Variants in CD8B2 observed in about 807,000 individuals in gnomAD.
The protein encoded by CD8B2 is CD8B family member 2, also known as T-cell surface glycoprotein CD8 beta-2 chain.
CD8B2 carries 11 observed loss-of-function variants against 23.7 expected under a neutral mutation model. The ratio of observed to expected loss-of-function variants is 0.46; its 90% confidence interval spans 0.29 to 0.77. The LOEUF (loss-of-function observed/expected upper bound fraction) is 0.77. Ranked by LOEUF, CD8B2 falls within the 30% of genes least tolerant of loss-of-function variation. CD8B2 has a pLI of 0.09. For missense variants in CD8B2, 197 were observed against 270.5 expected (o/e 0.73, Z 1.91); for synonymous variants, 90 against 109.3 (o/e 0.82, Z 1.10).
At chr2:106,489,081 C>T (rs1679139852) in intron 1 of CD8B2, among the ~76,000 whole-genome samples, 1 of 140,738 alleles carries the variant, frequency 7.1e-6, no homozygotes, top group South Asian at 2.6e-4. Flanking sequence ...TGGCTCACTG[C>T]AATCTCCGCC....
chr2:106,496,545 C>T (rs1361596201), intron 3 of CD8B2, among the ~76,000 whole-genome samples: 1 of 152,232 alleles, frequency 6.6e-6, no homozygotes, highest in Non-Finnish European at 1.5e-5. Context: ...TAGCCAAAAG[C>T]AGAAACTACC....
intron 1 of CD8B2, among the ~76,000 whole-genome samples, chr2:106,490,141 G>A (rs564577553): frequency 8.3e-4 from 126 of 152,108 alleles, no homozygotes; most frequent in African/African-American, 2.7e-3. Flanking sequence ...ATGCTCTGCT[G>A]TGATTCTGGG....
At chr2:106,539,084 A>T (rs1242342546) in intron 5 of CD8B2, among the ~76,000 whole-genome samples, 1 of 152,136 alleles carries the variant, frequency 6.6e-6, no homozygotes, top group Non-Finnish European at 1.5e-5. Flanking sequence ...TCACTTACAC[A>T]CCTTGGCCTC....
chr2:106,516,709 AT>A (rs1476988517), intron 5 of CD8B2, among the ~76,000 whole-genome samples: 1 of 151,964 alleles, frequency 6.6e-6, no homozygotes, highest in Non-Finnish European at 1.5e-5. Context: ...TGGGGCACTT[AT>A]TTTTTGGAGT....
rs1679185130 is a variant in CD8B2, at chr2:106,491,025, TC to T, written c.196del (p.His66ThrfsTer5). The T allele has an allele frequency of 1.2e-6, 2 of 1,613,844 alleles. No individual in the cohort carries two copies. The highest frequency in any genetic ancestry group is 1.7e-6 in the Non-Finnish European group (2 of 1,179,864). On this transcript the variant is annotated frameshift_variant, in exon 2 of 6. Coordinates refer to ENST00000643224, the MANE Select transcript of CD8B2 (RefSeq NM_001349727.2). LOFTEE classifies it high-confidence loss of function. The stretch of plus-strand genomic sequence containing the variant: ...AGCGCCAGGCCCCGAGCAGTGATAG[TC>T]ACCACGAGTTCCTGACCCTCTGGGA... ...RQRQAPSSDS[H>X]HEFLTLWDSA...
At chr2:106,498,934 A>G (rs2104554843) in intron 3 of CD8B2, among the ~76,000 whole-genome samples, 1 of 152,086 alleles carries the variant, frequency 6.6e-6, no homozygotes, top group South Asian at 2.1e-4. Flanking sequence ...TTTCTAAACC[A>G]TGGACTCAGG....
downstream of CD8B2, among the ~76,000 whole-genome samples, chr2:106,511,763 C>A (rs921845107): frequency 6.6e-6 from 1 of 152,196 alleles, no homozygotes; most frequent in African/African-American, 2.4e-5. Flanking sequence ...TCCTTCGATG[C>A]GTCACTGACA....
At chr2:106,542,333 G>A (rs1001196774) in intron 5 of CD8B2, among the ~76,000 whole-genome samples, 3 of 152,174 alleles carry the variant, frequency 2.0e-5, no homozygotes, top group African/African-American at 7.2e-5. Flanking sequence ...AACTAAAAGA[G>A]TGACTTATAC....
At chr2:106,529,187 C>G (rs1679959465) in intron 5 of CD8B2, among the ~76,000 whole-genome samples, 1 of 152,180 alleles carries the variant, frequency 6.6e-6, no homozygotes, top group Non-Finnish European at 1.5e-5. Context: ...CTAAAGAAGA[C>G]TCTGTTATCT....
At chr2:106,502,587 T>C in intron 4 of CD8B2, 24 bp downstream of exon 4, 1 of 1,322,422 alleles carries the variant, frequency 7.6e-7, no homozygotes, top group Non-Finnish European at 1.1e-6. Flanking sequence ...TCTTGGGTTG[T>C]TGGGTGTCCC....
chr2:106,504,373 C>T, intron 5 of CD8B2, 48 bp downstream of exon 5: 1 of 1,554,212 alleles, frequency 6.4e-7, no homozygotes, highest in Non-Finnish European at 8.7e-7. Context: ...GCCCCTGCTG[C>T]AGCTTGCAGC....
At chr2:106,514,351 G>A (rs183280668), downstream of CD8B2, among the ~76,000 whole-genome samples, 1,133 of 147,122 alleles carry the variant, frequency 7.7e-3, 9 homozygotes, top group Non-Finnish European at 0.011. Flanking sequence ...GCAGTGGCAC[G>A]ATCTCAGCTC....
chr2:106,538,724 A>G (rs745516612), intron 5 of CD8B2, among the ~76,000 whole-genome samples: 1 of 152,166 alleles, frequency 6.6e-6, no homozygotes, highest in Non-Finnish European at 1.5e-5. Flanking sequence ...TCTTGGCCAC[A>G]TATTTTCAAA....
exon 6 of CD8B2, chr2:106,544,200 A>T (rs1048030603): frequency 2.5e-6 from 1 of 397,066 alleles, no homozygotes; most frequent in African/African-American, 2.1e-5. Context: ...TGGGAGTTGT[A>T]AAAAAGTTAC....
chr2:106,533,423 A>C (rs564732365), intron 5 of CD8B2, among the ~76,000 whole-genome samples: 6 of 152,350 alleles, frequency 3.9e-5, no homozygotes, highest in African/African-American at 1.4e-4. Flanking sequence ...AGTTGTGTGC[A>C]GTCCCTTTTG....
At position 106,496,216 on chromosome 2, in the gene CD8B2, C is replaced by G; in HGVS notation, c.447C>G (p.Thr149=). Residue 149 remains threonine, a synonymous_variant, in exon 3 of 6, where the codon ACC becomes ACG. Coordinates refer to ENST00000643224, the MANE Select transcript of CD8B2 (RefSeq NM_001349727.2). ...PTTAQPTKKS[T]LKKRVCRLPR... is the part of the protein sequence containing the mutation. ...CTGCCCAGCCCACCAAGAAGTCCAC[C>G]CTCAAGAAGAGAGTGTGCCGGTTAC... 6.5e-7 allele frequency: 1 copy of G among 1,543,290 alleles called. No homozygotes were observed. The highest frequency in any genetic ancestry group is 1.2e-5 in the South Asian group (1 of 83,580).
chr2:106,536,873 G>A (rs1030014511), intron 5 of CD8B2, among the ~76,000 whole-genome samples: 1 of 152,184 alleles, frequency 6.6e-6, no homozygotes, highest in African/African-American at 2.4e-5. Context: ...GCCCTCACTG[G>A]ACTGACAGCT....
chr2:106,494,597 T>C (rs1408082803), intron 2 of CD8B2, among the ~76,000 whole-genome samples: 9 of 151,964 alleles, frequency 5.9e-5, no homozygotes, highest in Non-Finnish European at 1.2e-4. Context: ...AAGGCAAGGG[T>C]TGGACTCTGT....
chr2:106,537,649 T>C (rs1368780820), intron 5 of CD8B2, among the ~76,000 whole-genome samples: 1 of 152,142 alleles, frequency 6.6e-6, no homozygotes, highest in Non-Finnish European at 1.5e-5. Flanking sequence ...TGTAGCTCCT[T>C]GTGGAATGCC....
Sources: gnomAD v4.1 joint callset for allele counts (sites outside exome capture counted in the v4.1 genomes callset) on GRCh38, gnomAD v4.1.1 for gene constraint, MANE v1.5 for transcripts, NCBI Gene and HGNC (gene_info 2026-07-23, HGNC 2026-07-21) for gene names.